CD109: variants seen among roughly 807,000 people sequenced by gnomAD.
CD109 encodes CD109 antigen.
Under a neutral mutation model 165.8 loss-of-function variants are expected in CD109, and 149 were observed. The ratio of observed to expected loss-of-function variants is 0.90; its 90% CI spans 0.79 to 1.03. The LOEUF is 1.03. Ranked by LOEUF, CD109 falls within the 50% of genes least tolerant of loss-of-function variation. CD109 has a pLI of 0.00. For missense variants in CD109, 1,712 were observed against 1,677.8 expected (o/e 1.02, Z -0.36); for synonymous variants, 585 against 592.1 (o/e 0.99, Z 0.18).
chr6:73,811,268 A>C, intron 28 of CD109, 121 bp downstream of exon 28: 1 of 1,150,170 alleles, frequency 8.7e-7, no homozygotes, highest in South Asian at 1.9e-5. Flanking sequence ...GTAGAGTAAT[A>C]GGGAGAAGTG....
chr6:73,810,204 C>T (rs759735843), intron 27 of CD109, 30 bp downstream of exon 27: 1 of 1,022,524 alleles, frequency 9.8e-7, no homozygotes, highest in Non-Finnish European at 1.4e-6. Context: ...TCCCTTTAAA[C>T]TATAATATAT....
chr6:73,801,130 T>C (rs1304954965), intron 23 of CD109, among the ~76,000 whole-genome samples: 1 of 152,236 alleles, frequency 6.6e-6, no homozygotes, highest in Non-Finnish European at 1.5e-5. Flanking sequence ...GTTTAATAAT[T>C]GGAAGAGCTC....
At chr6:73,743,302 A>G (rs550363271) in intron 5 of CD109, among the ~76,000 whole-genome samples, 1 of 152,320 alleles carries the variant, frequency 6.6e-6, no homozygotes, top group African/African-American at 2.4e-5. Flanking sequence ...ATCTTAAGCC[A>G]TTGTTAGAGG....
At chr6:73,755,554 T>C (rs1450048817) in intron 5 of CD109, among the ~76,000 whole-genome samples, 1 of 152,204 alleles carries the variant, frequency 6.6e-6, no homozygotes, top group Non-Finnish European at 1.5e-5. Flanking sequence ...CCGTGTTTGA[T>C]TTGATAAATT....
chr6:73,820,319 A>G, intron 31 of CD109, 142 bp from the exon 32 acceptor site: 2 of 552,260 alleles, frequency 3.6e-6, no homozygotes, highest in Admixed American at 3.6e-5. Context: ...CATAGGAAGT[A>G]CTTACTGCAG....
chr6:73,730,456 C>CT lies in CD109; in HGVS notation c.390dup (p.Val131CysfsTer28). 1 of 1,613,252 alleles carries CT rather than the reference C, an allele frequency of 6.2e-7. No homozygotes were observed. Among genetic ancestry groups the CT allele is most frequent in the Non-Finnish European group, 8.5e-7 (1 of 1,179,198 alleles). On this transcript the variant is annotated frameshift_variant, in exon 4 of 33. Transcript: ENST00000287097. LOFTEE classifies it high-confidence loss of function. ...TTATCATTTGAGACCAAGAGAATAT[C>CT]TGTCTTCATTCAAACAGACAAGGCC...
In CD109 at chr6:73,771,465, T is replaced by C; in HGVS notation, c.1711T>C (p.Ser571Pro). ...TTGGAGTAAAGTGAAAGCTGAACCA[T>C]CTGAGAAAGTCTCTCTTAGGATCTC... is the stretch of plus-strand genomic sequence containing the variant. ...LYWSKVKAEP[S>P]EKVSLRISVT... Residue 571 changes from serine (S) to proline (P), a missense_variant, in exon 15 of 33, where the codon TCT becomes CCT. By Grantham distance (74) the Ser-to-Pro change is moderately conservative (BLOSUM62 -1). Transcript: ENST00000287097. 1.2e-6 allele frequency: 2 copies of C among 1,607,850 alleles called. No homozygotes were observed. The highest frequency in any genetic ancestry group is 1.1e-5 in the South Asian group (1 of 89,122).
At chr6:73,799,759 A>G (rs971123427) in intron 23 of CD109, among the ~76,000 whole-genome samples, 1 of 152,184 alleles carries the variant, frequency 6.6e-6, no homozygotes, top group Non-Finnish European at 1.5e-5. Context: ...GGGGACAAAT[A>G]TACCAGTAAC....
rs1775149128 is a variant in CD109 at position 73,795,968 on chromosome 6, C to T, written c.2878+3166C>T. Reference sequence around the variant, plus strand: ...GTAGTAAGTGCACAACAAATATCAGCTATAGTAGAATTAGTTGCCTCTAAC... The same window carrying T: ...GTAGTAAGTGCACAACAAATATCAGTTATAGTAGAATTAGTTGCCTCTAAC... On this transcript the variant is annotated intron_variant, in intron 23 of 32. Coordinates refer to ENST00000287097, the MANE Select transcript of CD109 (RefSeq NM_133493.5). 3.3e-5 allele frequency among the ~76,000 whole-genome samples: 5 copies of T among 152,146 alleles called. No homozygotes were observed. In the South Asian group the frequency reaches 1.0e-3, roughly 31 times the overall value.
At position 73,803,132 on chromosome 6, in the gene CD109, TA is replaced by T; in HGVS notation, c.2879-87del. On this transcript the variant is annotated intron_variant, in intron 23 of 32. Coordinates refer to ENST00000287097, the MANE Select transcript of CD109 (RefSeq NM_133493.5). Reference sequence around the variant, plus strand: ...TTTCTTCTTTCCCCCTCTCTGCCCATATTTCCTCAATATGAAGTCATAATTA... The same window carrying T: ...TTTCTTCTTTCCCCCTCTCTGCCCATTTTCCTCAATATGAAGTCATAATTA... The T allele has an allele frequency of 8.0e-6, 7 of 872,132 alleles. No homozygotes were observed. In the South Asian group the frequency reaches 9.8e-5, roughly 12 times the overall value. 54.0% of individuals were successfully genotyped at this position (872,132 alleles called of 1,614,324 possible). A position where few individuals can be genotyped will look rare whatever the true frequency, so the allele number is the denominator to read the frequency against.
At chr6:73,774,145 G>A (rs1054707979) in intron 15 of CD109, among the ~76,000 whole-genome samples, 2 of 151,784 alleles carry the variant, frequency 1.3e-5, no homozygotes, top group African/African-American at 2.4e-5. Context: ...TTTGCTATGC[G>A]TATTTTAAAT....
chr6:73,716,656 A>G (rs1219710149), intron 2 of CD109, among the ~76,000 whole-genome samples: 1 of 152,066 alleles, frequency 6.6e-6, no homozygotes, highest in Non-Finnish European at 1.5e-5. Context: ...GAGTTATTTG[A>G]GTTCCTTATG....
intron 20 of CD109, among the ~76,000 whole-genome samples, chr6:73,786,359 T>G (rs1774692495): frequency 6.6e-6 from 1 of 152,192 alleles, no homozygotes; most frequent in East Asian, 1.9e-4. Flanking sequence ...TGACATGATA[T>G]CTTTAGGCAC....
chr6:73,759,333 C>T (rs73754674), intron 7 of CD109, among the ~76,000 whole-genome samples: 3,639 of 151,660 alleles, frequency 0.024, 141 homozygotes, highest in African/African-American at 0.08. Context: ...GAAGCCACCA[C>T]GCCTGGCTAA....
chr6:73,697,680 T>C (rs1323992281), intron 2 of CD109, 108 bp downstream of exon 2: 1 of 817,894 alleles, frequency 1.2e-6, no homozygotes, highest in Non-Finnish European at 1.9e-6. Context: ...TTGCAGTATC[T>C]TACCTAATAT....
intron 30 of CD109, 94 bp from the exon 31 acceptor site, chr6:73,818,294 C>A: frequency 2.3e-6 from 3 of 1,306,292 alleles, no homozygotes; most frequent in Admixed American, 1.9e-5. Flanking sequence ...TTTGGAATAA[C>A]ATTTGGTGGG....
chr6:73,778,256 T>C (rs1774336588), intron 15 of CD109, among the ~76,000 whole-genome samples: 1 of 152,222 alleles, frequency 6.6e-6, no homozygotes, highest in Non-Finnish European at 1.5e-5. Context: ...ACATCGAGGC[T>C]TTCCTGAAGT....
At position 73,823,857 on chromosome 6, in the gene CD109, T is replaced by C. The variant is rs1246947967; in HGVS notation, c.*224T>C. The C allele has an allele frequency of 2.7e-6, 1 of 376,746 alleles. No homozygotes were observed. The highest frequency in any genetic ancestry group is 2.0e-5 in the African/African-American group (1 of 48,864). The allele number at this position is 376,746 out of a possible 1,614,324, so 23.3% of individuals were successfully genotyped here. ...GAATGAATGCAGTTGTGTGTCTATATTTTCCCCTCTCAAAATCTTTTAGAA... is the reference window on the plus strand; with the variant it reads ...GAATGAATGCAGTTGTGTGTCTATACTTTCCCCTCTCAAAATCTTTTAGAA... On this transcript the variant is annotated 3_prime_UTR_variant, in exon 33 of 33. Transcript: ENST00000287097.
rs761242650 is a variant in CD109, at chr6:73,762,374, A to G, written c.759-10A>G. ...TGATACATAAAAAGACTATGTTTAT[A>G]ATTATTCAGGTATACATATGGGAAG... On this transcript the variant is annotated splice_polypyrimidine_tract_variant and intron_variant, in intron 7 of 32. Transcript: ENST00000287097. The G allele has an allele frequency of 6.6e-7, 1 of 1,522,014 alleles. No homozygotes were observed. Among genetic ancestry groups the G allele is most frequent in the South Asian group, 1.1e-5 (1 of 87,408 alleles). 94.3% of individuals were successfully genotyped at this position (1,522,014 alleles called of 1,614,324 possible).
Sources: gnomAD v4.1 joint callset for allele counts (sites outside exome capture counted in the v4.1 genomes callset) on GRCh38, gnomAD v4.1.1 for gene constraint, MANE v1.5 for transcripts, NCBI Gene and HGNC (gene_info 2026-07-23, HGNC 2026-07-21) for gene names.